HSBP1: variants seen among roughly 807,000 people sequenced by gnomAD.
The protein encoded by HSBP1 is heat shock factor-binding protein 1.
HSBP1 carries 5 observed loss-of-function variants against 9.6 expected under a neutral mutation model. The ratio of observed to expected loss-of-function variants is 0.52; its 90% CI spans 0.27 to 1.09. The LOEUF is 1.09. HSBP1 is among the 50% of genes least tolerant of loss of function. The pLI is 0.11. For synonymous variants in HSBP1, 42 were observed against 33.3 expected (o/e 1.26, Z -0.90); for missense variants, 121 against 96.3 (o/e 1.26, Z -1.07).
intron 3 of HSBP1, among the ~76,000 whole-genome samples, chr16:83,810,551 G>A (rs1016764211): frequency 8.1e-6 from 1 of 123,712 alleles, no homozygotes; most frequent in Non-Finnish European, 1.7e-5. Context: ...AAAAGGTACT[G>A]GTGCGTGGTG....
chr16:83,814,129 A>G lies in HSBP1; in HGVS notation c.*2711A>G, dbSNP rs1432165799. ...GTTCCTCTTTTATTTTGTATTTTGC[A>G]CATTATATATTTTGATTAGATTAAA... On this transcript the variant is annotated 3_prime_UTR_variant, in exon 4 of 4. Coordinates refer to ENST00000433866, the MANE Select transcript of HSBP1 (RefSeq NM_001537.4). The G allele has an allele frequency of 6.6e-6, 1 of 152,182 alleles. No individual in the cohort carries two copies. The highest frequency in any genetic ancestry group is 6.5e-5 in the Admixed American group (1 of 15,270). The allele number at this position is 152,182 out of a possible 1,614,324, so 9.4% of individuals were successfully genotyped here.
rs1028627276 is a variant in HSBP1 at position 83,814,069 on chromosome 16, G to C, written c.*2651G>C. 1 of 152,126 alleles carries C rather than the reference G, an allele frequency of 6.6e-6. No individual in the cohort carries two copies. Among genetic ancestry groups the C allele is most frequent in the Non-Finnish European group, 1.5e-5 (1 of 68,024 alleles). 9.4% of individuals were successfully genotyped at this position (152,126 alleles called of 1,614,324 possible). ...CAAAAGTGAACTTTTTCAACATGCT[G>C]TTTGTAAATGGAAGCCTTCCCAAGC... On this transcript the variant is annotated 3_prime_UTR_variant, in exon 4 of 4. Coordinates refer to ENST00000433866, the MANE Select transcript of HSBP1 (RefSeq NM_001537.4).
At chr16:83,808,597 C>A in intron 1 of HSBP1, 83 bp from the exon 2 acceptor site, 4 of 1,105,492 alleles carry the variant, frequency 3.6e-6, no homozygotes, top group Non-Finnish European at 2.7e-6. Context: ...GCTGGAACCC[C>A]GGGACCAGGG....
At chr16:83,808,539 A>C in intron 1 of HSBP1, 141 bp from the exon 2 acceptor site, 1 of 628,708 alleles carries the variant, frequency 1.6e-6, no homozygotes, top group East Asian at 2.8e-5. Context: ...AGCCCAGAGA[A>C]GGAAGATCTT....
At chr16:83,808,389 C>G in intron 1 of HSBP1, 1 of 557,860 alleles carries the variant, frequency 1.8e-6, no homozygotes, top group South Asian at 2.3e-5. Context: ...TCCCGCCTAC[C>G]TCTGACACCC....
rs1037971175 is a variant in HSBP1 at position 83,817,327 on chromosome 16, A to C, written c.*5909A>C. 1 of 152,198 alleles carries C rather than the reference A, an allele frequency of 6.6e-6. No individual in the cohort carries two copies. Among genetic ancestry groups the C allele is most frequent in the African/African-American group, 2.4e-5 (1 of 41,446 alleles). The allele number at this position is 152,198 out of a possible 1,614,324, so 9.4% of individuals were successfully genotyped here. ...CAATCCATGTGTCACGCATGCCCCA[A>C]CAATTTGTGTCCCAACTGTTTGAAT... On this transcript the variant is annotated 3_prime_UTR_variant, in exon 4 of 4. Transcript: ENST00000433866.
At position 83,813,219 on chromosome 16, in the gene HSBP1, G is replaced by C. The variant is rs537217105; in HGVS notation, c.*1801G>C. ...GAGACTTGTCTCAGGTGTGTTCCCAGAACTCTTGCCCCTGGAGATGCTGCA... is the reference window on the plus strand; with the variant it reads ...GAGACTTGTCTCAGGTGTGTTCCCACAACTCTTGCCCCTGGAGATGCTGCA... On this transcript the variant is annotated 3_prime_UTR_variant, in exon 4 of 4. Transcript: ENST00000433866. 1.3e-5 allele frequency: 2 copies of C among 152,272 alleles called. No homozygotes were observed. The highest frequency in any genetic ancestry group is 2.9e-5 in the Non-Finnish European group (2 of 68,094). The allele number at this position is 152,272 out of a possible 1,614,324, so 9.4% of individuals were successfully genotyped here.
At position 83,816,572 on chromosome 16, in the gene HSBP1, C is replaced by T. The variant is rs1348455555; in HGVS notation, c.*5154C>T. 2 of 152,144 alleles carry T rather than the reference C, an allele frequency of 1.3e-5. No individual in the cohort carries two copies. The highest frequency in any genetic ancestry group is 2.9e-5 in the Non-Finnish European group (2 of 68,036). The allele number at this position is 152,144 out of a possible 1,614,324, so 9.4% of individuals were successfully genotyped here. ...CCCCACTCCTGTGCCTAAAATGATC[C>T]TGGCAAACAGGACCCGCATGATAGG... On this transcript the variant is annotated 3_prime_UTR_variant, in exon 4 of 4. Coordinates refer to ENST00000433866, the MANE Select transcript of HSBP1 (RefSeq NM_001537.4).
chr16:83,808,768 G>A, intron 2 of HSBP1, 22 bp downstream of exon 2: 3 of 1,582,716 alleles, frequency 1.9e-6, no homozygotes, highest in Middle Eastern at 1.7e-4. Context: ...ATCTGCAGTC[G>A]GCCTCCTGTG....
chr16:83,814,763 G>C lies in HSBP1; in HGVS notation c.*3345G>C, dbSNP rs1278889295. The C allele has an allele frequency of 6.6e-6, 1 of 152,174 alleles. No homozygotes were observed. Among genetic ancestry groups the C allele is most frequent in the Non-Finnish European group, 1.5e-5 (1 of 68,036 alleles). The allele number at this position is 152,174 out of a possible 1,614,324, so 9.4% of individuals were successfully genotyped here. A position where few individuals can be genotyped will look rare whatever the true frequency, so the allele number is the denominator to read the frequency against. On this transcript the variant is annotated 3_prime_UTR_variant, in exon 4 of 4. Coordinates refer to ENST00000433866, the MANE Select transcript of HSBP1 (RefSeq NM_001537.4). ...GAGCTGGTAGAAAATGTGTGCTCCT[G>C]GATCAGTGCCTTTTTTCTCCTAAAT...
rs981473303 is a variant in HSBP1 at position 83,813,120 on chromosome 16, G to C, written c.*1702G>C. On this transcript the variant is annotated 3_prime_UTR_variant, in exon 4 of 4. Coordinates refer to ENST00000433866, the MANE Select transcript of HSBP1 (RefSeq NM_001537.4). ...AGCCCAAGGCAAAGCAGGAGAGGGG[G>C]TGTTGGGGGAGGTTGCCTGCTGGAA... 2.0e-5 allele frequency: 3 copies of C among 152,400 alleles called. No individual in the cohort carries two copies. Among genetic ancestry groups the C allele is most frequent in the Non-Finnish European group, 4.4e-5 (3 of 68,166 alleles). The allele number at this position is 152,400 out of a possible 1,614,324, so 9.4% of individuals were successfully genotyped here.
At position 83,817,343 on chromosome 16, in the gene HSBP1, C is replaced by A. The variant is rs1187312076; in HGVS notation, c.*5925C>A. 1 of 152,240 alleles carries A rather than the reference C, an allele frequency of 6.6e-6. No individual in the cohort carries two copies. The highest frequency in any genetic ancestry group is 2.4e-5 in the African/African-American group (1 of 41,464). 9.4% of individuals were successfully genotyped at this position (152,240 alleles called of 1,614,324 possible). Reference sequence around the variant, plus strand: ...CATGCCCCAACAATTTGTGTCCCAACTGTTTGAATCAAAGGATTTCTGATT... The same window carrying A: ...CATGCCCCAACAATTTGTGTCCCAAATGTTTGAATCAAAGGATTTCTGATT... On this transcript the variant is annotated 3_prime_UTR_variant, in exon 4 of 4. Transcript: ENST00000433866.
chr16:83,808,331 C>A (rs1017440384), intron 1 of HSBP1: 6 of 556,514 alleles, frequency 1.1e-5, no homozygotes, highest in African/African-American at 2.0e-5. Context: ...CCAAGCCCGA[C>A]CCCTTCCAGT....
In HSBP1 at chr16:83,813,018, C is replaced by G. The variant is rs1194751121; in HGVS notation, c.*1600C>G. ...ATGAAGCTTCCTTTGTGTCAAAAAT[C>G]TGTTTGGTTTTCAGATGGAAATGCA... On this transcript the variant is annotated 3_prime_UTR_variant, in exon 4 of 4. Coordinates refer to ENST00000433866, the MANE Select transcript of HSBP1 (RefSeq NM_001537.4). 6.6e-6 allele frequency: 1 copy of G among 152,228 alleles called. No homozygotes were observed. The highest frequency in any genetic ancestry group is 1.5e-5 in the Non-Finnish European group (1 of 68,066). The allele number at this position is 152,228 out of a possible 1,614,324, so 9.4% of individuals were successfully genotyped here.
chr16:83,808,668 G>T lies in HSBP1; in HGVS notation c.46-12G>T, dbSNP rs1259136631. 48 of 1,606,966 alleles carry T rather than the reference G, an allele frequency of 3.0e-5. No individual in the cohort carries two copies. Among genetic ancestry groups the T allele is most frequent in the Non-Finnish European group, 3.9e-5 (46 of 1,174,890 alleles). Reference sequence around the variant, plus strand: ...GATGTGGACCGTGTTTGTTTGTTTCGGTTTTTCTTAGGTGCAGACACTCCT... The same window carrying T: ...GATGTGGACCGTGTTTGTTTGTTTCTGTTTTTCTTAGGTGCAGACACTCCT... On this transcript the variant is annotated splice_polypyrimidine_tract_variant and intron_variant, in intron 1 of 3. Transcript: ENST00000433866.
At position 83,811,821 on chromosome 16, in the gene HSBP1, A is replaced by G. The variant is rs1346318569; in HGVS notation, c.*403A>G. 1 of 152,224 alleles carries G rather than the reference A, an allele frequency of 6.6e-6. No homozygotes were observed. The highest frequency in any genetic ancestry group is 6.5e-5 in the Admixed American group (1 of 15,288). The allele number at this position is 152,224 out of a possible 1,614,324, so 9.4% of individuals were successfully genotyped here. A position where few individuals can be genotyped will look rare whatever the true frequency, so the allele number is the denominator to read the frequency against. ...TTATAGTTAGTCTTGGTGAAGTAAG[A>G]TGTTTGTAGACTTTAGAGTTCTTTA... On this transcript the variant is annotated 3_prime_UTR_variant, in exon 4 of 4. Coordinates refer to ENST00000433866, the MANE Select transcript of HSBP1 (RefSeq NM_001537.4).
In HSBP1 at chr16:83,816,229, G is replaced by A. The variant is rs750246226; in HGVS notation, c.*4811G>A. The A allele has an allele frequency of 1.8e-4, 27 of 152,122 alleles. No homozygotes were observed. The highest frequency in any genetic ancestry group is 6.0e-4 in the African/African-American group (25 of 41,492). The allele number at this position is 152,122 out of a possible 1,614,324, so 9.4% of individuals were successfully genotyped here. ...GCCTGGCCAACATGGCGAAACCCCC[G>A]TCTCTACTAAAAATACAAAAATTAG... On this transcript the variant is annotated 3_prime_UTR_variant, in exon 4 of 4. Coordinates refer to ENST00000433866, the MANE Select transcript of HSBP1 (RefSeq NM_001537.4).
chr16:83,812,061 C>G lies in HSBP1; in HGVS notation c.*643C>G, dbSNP rs188975782. On this transcript the variant is annotated 3_prime_UTR_variant, in exon 4 of 4. Coordinates refer to ENST00000433866, the MANE Select transcript of HSBP1 (RefSeq NM_001537.4). ...CCACTGCCACTGTCTTGTGTCAGAA[C>G]TTTTACAGTACAGAAAATAACAGAA... 69 of 152,732 alleles carry G rather than the reference C, an allele frequency of 4.5e-4. No individual in the cohort carries two copies. Among genetic ancestry groups the G allele is most frequent in the African/African-American group, 1.6e-3 (66 of 41,556 alleles). The allele number at this position is 152,732 out of a possible 1,614,324, so 9.5% of individuals were successfully genotyped here. A position where few individuals can be genotyped will look rare whatever the true frequency, so the allele number is the denominator to read the frequency against.
In HSBP1 at chr16:83,813,570, C is replaced by G. The variant is rs936552204; in HGVS notation, c.*2152C>G. ...CTCCTAGGCTCAAGCAGTCCTGTCTCAGCCTCCCAAAGTGCTGGGATTACA... is the reference window on the plus strand; with the variant it reads ...CTCCTAGGCTCAAGCAGTCCTGTCTGAGCCTCCCAAAGTGCTGGGATTACA... On this transcript the variant is annotated 3_prime_UTR_variant, in exon 4 of 4. Coordinates refer to ENST00000433866, the MANE Select transcript of HSBP1 (RefSeq NM_001537.4). 3.7e-4 allele frequency: 57 copies of G among 152,614 alleles called. No homozygotes were observed. The highest frequency in any genetic ancestry group is 1.4e-3 in the African/African-American group (57 of 41,574). The allele number at this position is 152,614 out of a possible 1,614,324, so 9.5% of individuals were successfully genotyped here. A position where few individuals can be genotyped will look rare whatever the true frequency, so the allele number is the denominator to read the frequency against.
Sources: gnomAD v4.1 joint callset for allele counts (sites outside exome capture counted in the v4.1 genomes callset) on GRCh38, gnomAD v4.1.1 for gene constraint, MANE v1.5 for transcripts, NCBI Gene and HGNC (gene_info 2026-07-23, HGNC 2026-07-21) for gene names.